MYLK3: variants seen among roughly 807,000 people sequenced by gnomAD.
MYLK3 encodes the protein myosin light chain kinase 3, also known as MLC kinase.
MYLK3 carries 55 observed loss-of-function variants against 76.3 expected under a neutral mutation model. The observed-to-expected ratio is 0.72, with a 90% CI of 0.58 to 0.90. MYLK3 has a LOEUF of 0.90. MYLK3 is among the 40% of genes least tolerant of loss of function. The pLI is 0.00. For missense variants in MYLK3, 973 were observed against 1,053.6 expected (o/e 0.92, Z 1.06); for synonymous variants, 416 against 425.4 (o/e 0.98, Z 0.27).
chr16:46,748,979 G>T (rs1967079428), upstream of MYLK3, among the ~76,000 whole-genome samples: 1 of 152,182 alleles, frequency 6.6e-6, no homozygotes, highest in South Asian at 2.1e-4. The surrounding 1 kb of genome is among the most constrained non-coding windows in gnomAD (Gnocchi z 4.3). Flanking sequence ...CCCTCAGGGG[G>T]ACACTCACCA....
chr16:46,754,966 G>C (rs548006670), intron 1 of MYLK3, among the ~76,000 whole-genome samples: 3 of 150,460 alleles, frequency 2.0e-5, no homozygotes, highest in East Asian at 3.9e-4. Flanking sequence ...GTGTGATCTC[G>C]GCTCACTGCT....
chr16:46,755,291 A>G (rs1006433221), intron 1 of MYLK3, among the ~76,000 whole-genome samples: 2 of 152,098 alleles, frequency 1.3e-5, no homozygotes, highest in Non-Finnish European at 2.9e-5. Flanking sequence ...CCCCGTCTCT[A>G]CTAAAAATAC....
intron 1 of MYLK3, among the ~76,000 whole-genome samples, chr16:46,742,445 AAAACACACACACACAC>A (rs1477063576): frequency 7.4e-4 from 97 of 130,268 alleles, no homozygotes; most frequent in African/African-American, 2.3e-3. Flanking sequence ...AATCCCAGCA[AAAACACACACACACAC>A]ACACACACAC....
chr16:46,762,200 A>G (rs968660141), intron 1 of MYLK3, among the ~76,000 whole-genome samples: 6 of 152,262 alleles, frequency 3.9e-5, no homozygotes, highest in Non-Finnish European at 8.8e-5. Context: ...CTAGGTAAAG[A>G]CTTCACCTCA....
At chr16:46,709,443 G>GAAAA in intron 12 of MYLK3, 96 bp downstream of exon 12, 44 of 1,159,022 alleles carry the variant, frequency 3.8e-5, no homozygotes, top group Non-Finnish European at 4.7e-5. Context: ...CCAAAAAGAA[G>GAAAA]AAAAAAAAAA....
intron 3 of MYLK3, among the ~76,000 whole-genome samples, chr16:46,734,549 AGGT>A (rs1266558919): frequency 6.6e-6 from 1 of 152,012 alleles, no homozygotes; most frequent in Non-Finnish European, 1.5e-5. Flanking sequence ...TGAACCCAGG[AGGT>A]GGAGTTTGCA....
At chr16:46,757,691 C>T (rs1044623172) in intron 1 of MYLK3, 6 of 837,970 alleles carry the variant, frequency 7.2e-6, no homozygotes, top group Non-Finnish European at 8.6e-6. Context: ...CAGGCCCCAG[C>T]GGCATCCAGA....
intron 9 of MYLK3, among the ~76,000 whole-genome samples, chr16:46,720,280 T>A (rs1330013170): frequency 6.6e-6 from 1 of 152,152 alleles, no homozygotes; most frequent in Admixed American, 6.5e-5. Flanking sequence ...ATAGTGTGAT[T>A]TTGGCTCACT....
At chr16:46,710,961 G>A (rs1966677741) in intron 10 of MYLK3, 172 bp from the exon 11 acceptor site, 3 of 709,010 alleles carry the variant, frequency 4.2e-6, no homozygotes, top group Non-Finnish European at 7.0e-6. Context: ...GTTCATTAAA[G>A]GGAGGAAGCG....
chr16:46,740,461 G>A, intron 1 of MYLK3, among the ~76,000 whole-genome samples: 1 of 148,706 alleles, frequency 6.7e-6, no homozygotes, highest in Non-Finnish European at 1.5e-5. Flanking sequence ...AAAATAGGCT[G>A]GACCCCAAAG....
intron 8 of MYLK3, among the ~76,000 whole-genome samples, chr16:46,722,998 C>T (rs1966814588): frequency 6.6e-6 from 1 of 152,174 alleles, no homozygotes; most frequent in Non-Finnish European, 1.5e-5. Context: ...AGGCATGAGC[C>T]CCTCACCATT....
At chr16:46,760,993 G>A (rs1255786597) in intron 1 of MYLK3, among the ~76,000 whole-genome samples, 2 of 152,150 alleles carry the variant, frequency 1.3e-5, no homozygotes, top group African/African-American at 4.8e-5. Context: ...AGTGGCCAGG[G>A]CAGGCTTCTG....
chr16:46,751,834 T>C (rs1240170208), upstream of MYLK3, among the ~76,000 whole-genome samples: 1 of 152,150 alleles, frequency 6.6e-6, no homozygotes, highest in African/African-American at 2.4e-5. Context: ...CCTCTTTCAT[T>C]CTCACTTTAG....
At position 46,703,776 on chromosome 16, in the gene MYLK3, C is replaced by G. The variant is rs1372498888; in HGVS notation, c.*3928G>C. The G allele has an allele frequency of 6.5e-6, 1 of 153,678 alleles. No individual in the cohort carries two copies. Among genetic ancestry groups the G allele is most frequent in the East Asian group, 1.9e-4 (1 of 5,192 alleles). The allele number at this position is 153,678 out of a possible 1,614,324, so 9.5% of individuals were successfully genotyped here. Reference sequence around the variant, plus strand: ...AATTGTTTCTCTAGGTAAGGAATAACAGCATAAAGGGAAAAAAATTAAAAT... The same window carrying G: ...AATTGTTTCTCTAGGTAAGGAATAAGAGCATAAAGGGAAAAAAATTAAAAT... On this transcript the variant is annotated 3_prime_UTR_variant, in exon 13 of 13. Coordinates refer to ENST00000394809, the MANE Select transcript of MYLK3 (RefSeq NM_182493.3).
At position 46,704,849 on chromosome 16, in the gene MYLK3, T is replaced by C. The variant is rs1966609710; in HGVS notation, c.*2855A>G. On this transcript the variant is annotated 3_prime_UTR_variant, in exon 13 of 13. Transcript: ENST00000394809. ...TGAACCACAATAGAACTATAAAATA[T>C]ACTCTCTAGCTCCTTCTGGAGGCTG... 1 of 152,216 alleles carries C rather than the reference T, an allele frequency of 6.6e-6. No individual in the cohort carries two copies. The highest frequency in any genetic ancestry group is 1.5e-5 in the Non-Finnish European group (1 of 68,036). 9.4% of individuals were successfully genotyped at this position (152,216 alleles called of 1,614,324 possible).
At chr16:46,755,235 A>C (rs1258212958) in intron 1 of MYLK3, among the ~76,000 whole-genome samples, 3 of 151,500 alleles carry the variant, frequency 2.0e-5, no homozygotes, top group Admixed American at 6.6e-5. Context: ...TTGACGATAT[A>C]CTCCAGCAAA....
At chr16:46,749,908 T>A (rs1967098864), upstream of MYLK3, among the ~76,000 whole-genome samples, 1 of 152,142 alleles carries the variant, frequency 6.6e-6, no homozygotes, top group Non-Finnish European at 1.5e-5. Context: ...AACCCATTCC[T>A]GAGAGCACAG....
chr16:46,733,575 C>T (rs1279593587), intron 3 of MYLK3, among the ~76,000 whole-genome samples: 1 of 152,096 alleles, frequency 6.6e-6, no homozygotes, highest in African/African-American at 2.4e-5. Flanking sequence ...TTTGTGAGCC[C>T]AGATGGAGGT....
Position 46,738,171 on chromosome 16 carries a change from G to T in MYLK3, c.569-28C>A, listed in dbSNP as rs1966881924. On this transcript the variant is annotated intron_variant, in intron 2 of 12. Coordinates refer to ENST00000394809, the MANE Select transcript of MYLK3 (RefSeq NM_182493.3). The stretch of plus-strand genomic sequence containing the variant: ...ACAGGAAAACAGGCAGGACAAAAAT[G>T]CACTCCCATGTGGAGGAGTCTGCCA... 2.0e-6 allele frequency: 3 copies of T among 1,478,616 alleles called. No homozygotes were observed. The East Asian group carries it at 7.0e-5, about 35-fold the overall frequency. The allele number at this position is 1,478,616 out of a possible 1,614,324, so 91.6% of individuals were successfully genotyped here.
Sources: allele counts gnomAD v4.1 joint callset (sites outside exome capture counted in the v4.1 genomes callset), GRCh38; gene constraint gnomAD v4.1.1; non-coding constraint Gnocchi (gnomAD v3.1); transcripts MANE v1.5; gene names NCBI Gene and HGNC (gene_info 2026-07-23, HGNC 2026-07-21).